CDK13: variants seen among roughly 807,000 people sequenced by gnomAD.
CDK13 encodes the protein cyclin dependent kinase 13.
A neutral mutation model predicts 137.6 loss-of-function variants in CDK13; 40 were observed. That is an observed-to-expected ratio of 0.29 (90% CI 0.23 to 0.38). CDK13 has a LOEUF of 0.38. CDK13 is among the 10% of genes least tolerant of loss of function. The probability of loss-of-function intolerance (pLI) is 1.00; values close to 1 mark genes in which losing one functional copy is unlikely to be tolerated. For synonymous variants in CDK13, 869 were observed against 760.1 expected (o/e 1.14, Z -2.36); for missense variants, 1,704 against 1,951.8 (o/e 0.87, Z 2.39).
chr7:40,000,096 C>T (rs1002755861), intron 4 of CDK13, among the ~76,000 whole-genome samples: 1 of 152,054 alleles, frequency 6.6e-6, no homozygotes, highest in Non-Finnish European at 1.5e-5. Flanking sequence ...AACCAATAGG[C>T]CGGGCGTGAT....
intron 9 of CDK13, chr7:40,071,124 A>G (rs1037851196): frequency 6.6e-6 from 1 of 152,178 alleles, no homozygotes; most frequent in African/African-American, 2.4e-5. Context: ...ATTGAAAGAA[A>G]TGAATCATGT....
chr7:40,049,686 T>A (rs952805406), intron 7 of CDK13, among the ~76,000 whole-genome samples: 2 of 152,192 alleles, frequency 1.3e-5, no homozygotes, highest in Admixed American at 6.6e-5. Flanking sequence ...CTCTTGAATT[T>A]ACTTTTGTCT....
intron 5 of CDK13, among the ~76,000 whole-genome samples, chr7:40,021,088 T>G (rs1330045786): frequency 1.1e-5 from 1 of 88,778 alleles, no homozygotes; most frequent in African/African-American, 3.5e-5. Flanking sequence ...AGATTCCATC[T>G]CAGAGCAAAC....
chr7:40,032,938 AT>A (rs1785410623), intron 5 of CDK13, among the ~76,000 whole-genome samples: 1 of 152,124 alleles, frequency 6.6e-6, no homozygotes, highest in Non-Finnish European at 1.5e-5. Flanking sequence ...ACTTGCTGGG[AT>A]TTTGATTGGG....
intron 5 of CDK13, among the ~76,000 whole-genome samples, chr7:40,018,426 C>G (rs1383692637): frequency 6.6e-6 from 1 of 151,912 alleles, no homozygotes; most frequent in Non-Finnish European, 1.5e-5. Flanking sequence ...CAAGAGAAAA[C>G]AAGTCATTAT....
At chr7:40,035,482 A>T (rs1229796429) in intron 5 of CDK13, among the ~76,000 whole-genome samples, 3 of 152,100 alleles carry the variant, frequency 2.0e-5, no homozygotes, top group Non-Finnish European at 4.4e-5. Context: ...CTGTCAGATC[A>T]GTGACAGCAT....
At chr7:39,973,179 C>G (rs1784036529) in intron 1 of CDK13, among the ~76,000 whole-genome samples, 2 of 152,156 alleles carry the variant, frequency 1.3e-5, no homozygotes, top group Admixed American at 1.3e-4. Context: ...CTCTGTTGCC[C>G]AGGCTAAAGT....
At chr7:40,055,009 C>G (rs1186991973) in intron 7 of CDK13, among the ~76,000 whole-genome samples, 3 of 151,996 alleles carry the variant, frequency 2.0e-5, no homozygotes, top group Non-Finnish European at 2.9e-5. Flanking sequence ...AGTGAGATCT[C>G]TATTTTAAAA....
At chr7:39,956,951 G>T (rs1787425098) in intron 1 of CDK13, among the ~76,000 whole-genome samples, 1 of 152,082 alleles carries the variant, frequency 6.6e-6, no homozygotes, top group African/African-American at 2.4e-5. Context: ...TTCTATCACA[G>T]TTCTGTTTTC....
At chr7:39,953,935 A>T (rs1018866073) in intron 1 of CDK13, among the ~76,000 whole-genome samples, 1 of 152,224 alleles carries the variant, frequency 6.6e-6, no homozygotes, top group South Asian at 2.1e-4. Context: ...ACAGGGAAAC[A>T]CTTGTTTTTC....
chr7:40,032,853 A>G (rs1785409131), intron 5 of CDK13, among the ~76,000 whole-genome samples: 1 of 152,258 alleles, frequency 6.6e-6, no homozygotes, highest in South Asian at 2.1e-4. Context: ...CTCTCATAAA[A>G]TGTTTTCTTG....
intron 5 of CDK13, among the ~76,000 whole-genome samples, chr7:40,016,927 G>A (rs1188282519): frequency 6.6e-6 from 1 of 151,946 alleles, no homozygotes; most frequent in African/African-American, 2.4e-5. Context: ...AGCATAAATG[G>A]ATAGAATGGG....
chr7:40,068,791 T>C (rs1786344490), intron 9 of CDK13, among the ~76,000 whole-genome samples: 1 of 150,918 alleles, frequency 6.6e-6, no homozygotes, highest in South Asian at 2.1e-4. Flanking sequence ...TACAGAAGGC[T>C]ATATTGAGAT....
intron 1 of CDK13, among the ~76,000 whole-genome samples, chr7:39,972,882 T>C (rs931429363): frequency 6.6e-6 from 1 of 152,206 alleles, no homozygotes; most frequent in Admixed American, 6.5e-5. Flanking sequence ...TCAAGCTGTT[T>C]TTTAAAGTAG....
intron 1 of CDK13, among the ~76,000 whole-genome samples, chr7:39,970,575 C>T (rs948176154): frequency 2.0e-5 from 3 of 151,912 alleles, no homozygotes; most frequent in Non-Finnish European, 4.4e-5. Context: ...ATTCTCTTGC[C>T]TCAGCCTCCC....
intron 1 of CDK13, among the ~76,000 whole-genome samples, chr7:39,969,727 C>T (rs769023825): frequency 6.6e-6 from 1 of 151,340 alleles, no homozygotes; most frequent in African/African-American, 2.4e-5. Context: ...GTATTGGTAT[C>T]TCATTGTGGT....
chr7:40,014,275 G>A (rs1784957604), intron 5 of CDK13, among the ~76,000 whole-genome samples: 1 of 151,524 alleles, frequency 6.6e-6, no homozygotes, highest in Non-Finnish European at 1.5e-5. Context: ...CACCATGTTG[G>A]TCAGGCTGGT....
chr7:39,951,381 A>G lies in CDK13; in HGVS notation c.740A>G (p.Lys247Arg), dbSNP rs1208229332. 4 of 1,520,732 alleles carry G rather than the reference A, an allele frequency of 2.6e-6. No individual in the cohort carries two copies. Among genetic ancestry groups the G allele is most frequent in the Non-Finnish European group, 3.5e-6 (4 of 1,138,298 alleles). The allele number at this position is 1,520,732 out of a possible 1,614,324, so 94.2% of individuals were successfully genotyped here. Reference sequence around the variant, plus strand: ...GGCGAGGAACGGGCCGAGGTCGCCAAGAGCGGCAGCAGCAGCAGCAGCGGC... The same window carrying G: ...GGCGAGGAACGGGCCGAGGTCGCCAGGAGCGGCAGCAGCAGCAGCAGCGGC... ...HSGEERAEVA[K>R]SGSSSSSGGR... Residue 247 changes from lysine to arginine, a missense_variant, in exon 1 of 14, where the codon AAG becomes AGG. Coordinates refer to ENST00000181839, the MANE Select transcript of CDK13 (RefSeq NM_003718.5).
intron 13 of CDK13, 26 bp from the exon 14 acceptor site, chr7:40,094,104 C>T (rs1786987717): frequency 6.2e-7 from 1 of 1,604,860 alleles, no homozygotes; most frequent in South Asian, 1.1e-5. Context: ...TAACTTTTGA[C>T]CTTGTTTTTG....
Sources: allele counts gnomAD v4.1 joint callset (sites outside exome capture counted in the v4.1 genomes callset), GRCh38; gene constraint gnomAD v4.1.1; transcripts MANE v1.5; gene names NCBI Gene and HGNC (gene_info 2026-07-23, HGNC 2026-07-21).